CACNA2D1: variants seen among roughly 807,000 people sequenced by gnomAD.
CACNA2D1 encodes voltage-dependent calcium channel subunit alpha-2/delta-1.
Under a neutral mutation model 171.5 loss-of-function variants are expected in CACNA2D1, and 53 were observed. That is an observed-to-expected ratio of 0.31 (90% CI 0.25 to 0.39). The LOEUF (loss-of-function observed/expected upper bound fraction) is 0.39. Ranked by LOEUF, CACNA2D1 falls within the 10% of genes least tolerant of loss-of-function variation. CACNA2D1 has a pLI of 1.00. For synonymous variants in CACNA2D1, 442 were observed against 443.1 expected, an observed-to-expected ratio of 1.00 and a Z score of 0.03; for missense variants, 903 against 1,299.8, an observed-to-expected ratio of 0.69 and a Z score of 4.69.
chr7:82,367,176 G>A (rs994279014), intron 1 of CACNA2D1, among the ~76,000 whole-genome samples: 1 of 151,834 alleles, frequency 6.6e-6, no homozygotes, highest in Non-Finnish European at 1.5e-5. Flanking sequence ...TCCCAAAGGG[G>A]TAGGATTACA....
At chr7:82,192,686 T>C (rs757535542) in intron 3 of CACNA2D1, among the ~76,000 whole-genome samples, 30 of 151,674 alleles carry the variant, frequency 2.0e-4, no homozygotes, top group South Asian at 4.2e-4. Context: ...CTATGTCTTC[T>C]ATGCAATACT....
At chr7:82,076,906 A>C (rs1432551850) in intron 7 of CACNA2D1, among the ~76,000 whole-genome samples, 1 of 152,148 alleles carries the variant, frequency 6.6e-6, no homozygotes, top group Non-Finnish European at 1.5e-5. Flanking sequence ...TTCCCTCCAG[A>C]AACATTTTGC....
chr7:82,409,996 T>C (rs1192990869), intron 1 of CACNA2D1, among the ~76,000 whole-genome samples: 1 of 152,208 alleles, frequency 6.6e-6, no homozygotes, highest in Non-Finnish European at 1.5e-5. Flanking sequence ...TATTTAAACA[T>C]ATGTCAACAT....
At position 82,144,966 on chromosome 7, in the gene CACNA2D1, T is replaced by C. The variant is rs183143488; in HGVS notation, c.355-8290A>G. ...AATTCTCAGCATTCTTTCATACGAA[T>C]AAATAAGCATTGAGCTTTGTACACA... On this transcript the variant is annotated intron_variant, in intron 4 of 38. Transcript: ENST00000356860. Among the ~76,000 whole-genome samples, 19 of 151,988 alleles carry C rather than the reference T, an allele frequency of 1.3e-4. No homozygotes were observed. The East Asian group carries it at 3.7e-3, about 29-fold the overall frequency.
At chr7:82,077,059 T>C (rs1028696733) in intron 7 of CACNA2D1, among the ~76,000 whole-genome samples, 2 of 152,322 alleles carry the variant, frequency 1.3e-5, no homozygotes, top group East Asian at 3.9e-4. Context: ...ATTTAGTCAT[T>C]TAATAATTTG....
chr7:81,992,262 T>C (rs1188258576), intron 20 of CACNA2D1, among the ~76,000 whole-genome samples: 3 of 152,186 alleles, frequency 2.0e-5, no homozygotes, highest in Non-Finnish European at 2.9e-5. Context: ...GCACCTGTCA[T>C]TCTGTCACTT....
chr7:82,340,652 T>C (rs994459998), intron 2 of CACNA2D1, among the ~76,000 whole-genome samples: 3 of 152,162 alleles, frequency 2.0e-5, no homozygotes, highest in African/African-American at 4.8e-5. Context: ...ATGAGCTCCA[T>C]TGTGAGCAAC....
chr7:82,044,987 ATGTC>A (rs1270708507), intron 10 of CACNA2D1, among the ~76,000 whole-genome samples: 1 of 152,152 alleles, frequency 6.6e-6, no homozygotes, highest in African/African-American at 2.4e-5. Flanking sequence ...TTAGAATTCA[ATGTC>A]TGGGTGAAAT....
chr7:82,341,451 T>C (rs1818622208), intron 2 of CACNA2D1, among the ~76,000 whole-genome samples: 2 of 152,056 alleles, frequency 1.3e-5, no homozygotes. Flanking sequence ...CCCATGAAAA[T>C]TAGCTGTTTT....
At chr7:82,323,412 A>G (rs1454457177) in intron 3 of CACNA2D1, among the ~76,000 whole-genome samples, 1 of 152,196 alleles carries the variant, frequency 6.6e-6, no homozygotes, top group African/African-American at 2.4e-5. Flanking sequence ...AGAACACTGT[A>G]CAAGTAGCTG....
At chr7:82,103,654 T>C (rs2129039049) in intron 6 of CACNA2D1, among the ~76,000 whole-genome samples, 1 of 136,346 alleles carries the variant, frequency 7.3e-6, no homozygotes, top group African/African-American at 2.6e-5. Context: ...CAAATAAACA[T>C]TTGTGTGTGT....
At chr7:82,087,197 A>G (rs930720092) in intron 6 of CACNA2D1, among the ~76,000 whole-genome samples, 1 of 152,170 alleles carries the variant, frequency 6.6e-6, no homozygotes, top group African/African-American at 2.4e-5. Context: ...GAATACAGAC[A>G]CTTCCATGTG....
intron 25 of CACNA2D1, among the ~76,000 whole-genome samples, chr7:81,972,446 T>C (rs542134518): frequency 6.6e-6 from 1 of 151,902 alleles, no homozygotes; most frequent in African/African-American, 2.4e-5. Flanking sequence ...CAGTGCCGCA[T>C]ATCGAGGAGC....
chr7:82,000,150 T>C (rs1391787544), intron 18 of CACNA2D1, among the ~76,000 whole-genome samples: 1 of 151,886 alleles, frequency 6.6e-6, no homozygotes, highest in African/African-American at 2.4e-5. Flanking sequence ...TCCCAGCTAC[T>C]CGGGAGGCTG....
At chr7:82,314,725 C>A (rs187039512) in intron 3 of CACNA2D1, among the ~76,000 whole-genome samples, 1 of 151,822 alleles carries the variant, frequency 6.6e-6, no homozygotes, top group Non-Finnish European at 1.5e-5. Context: ...CCCTTCTCTC[C>A]GGACTAAAAA....
At chr7:82,064,244 T>C in intron 9 of CACNA2D1, 60 bp downstream of exon 9, 1 of 1,157,802 alleles carries the variant, frequency 8.6e-7, no homozygotes, top group East Asian at 2.4e-5. Flanking sequence ...ACCATACTAC[T>C]GTTATCTACA....
Position 82,364,755 on chromosome 7 carries a change from C to T in CACNA2D1, c.96-15106G>A, listed in dbSNP as rs1376923553. 2.0e-5 allele frequency among the ~76,000 whole-genome samples: 3 copies of T among 152,166 alleles called. No homozygotes were observed. In the South Asian group the frequency reaches 6.2e-4, roughly 31 times the overall value. On this transcript the variant is annotated intron_variant, in intron 1 of 38. Coordinates refer to ENST00000356860, the MANE Select transcript of CACNA2D1 (RefSeq NM_000722.4). Reference sequence around the variant, plus strand: ...TCCAAAGAAAACTTCTCTGTCAGGACTGTGCGAAAAGGTTTCTAATTGCCA... The same window carrying T: ...TCCAAAGAAAACTTCTCTGTCAGGATTGTGCGAAAAGGTTTCTAATTGCCA...
intron 3 of CACNA2D1, among the ~76,000 whole-genome samples, chr7:82,176,807 A>C (rs1166968546): frequency 1.3e-5 from 2 of 152,008 alleles, no homozygotes; most frequent in African/African-American, 4.8e-5. Flanking sequence ...TTTATCAACT[A>C]TGCTTCTAAA....
intron 3 of CACNA2D1, among the ~76,000 whole-genome samples, chr7:82,308,584 T>G (rs1285416974): frequency 6.6e-6 from 1 of 152,202 alleles, no homozygotes; most frequent in Non-Finnish European, 1.5e-5. Context: ...TGCTGCCCAT[T>G]TTCAAACTTC....
Sources: gnomAD v4.1 joint callset for allele counts (sites outside exome capture counted in the v4.1 genomes callset) on GRCh38, gnomAD v4.1.1 for gene constraint, MANE v1.5 for transcripts, NCBI Gene and HGNC (gene_info 2026-07-23, HGNC 2026-07-21) for gene names.